The following KLHL29 variants were observed in gnomAD, a reference collection of about 807,000 sequenced individuals.
KLHL29 encodes the protein kelch like family member 29, also known as kelch-like protein 29.
Under a neutral mutation model 80.4 loss-of-function variants are expected in KLHL29, and 21 were observed. The ratio of observed to expected loss-of-function variants is 0.26; its 90% CI spans 0.19 to 0.38. The LOEUF is 0.38. Ranked by LOEUF, KLHL29 falls within the 10% of genes least tolerant of loss-of-function variation. KLHL29 has a pLI of 1.00. For missense variants in KLHL29, 867 were observed against 1,223.9 expected, an observed-to-expected ratio of 0.71 and a Z score of 4.35; for synonymous variants, 511 against 526.8, an observed-to-expected ratio of 0.97 and a Z score of 0.41.
intron 1 of KLHL29, among the ~76,000 whole-genome samples, chr2:23,452,795 G>A (rs894232935): frequency 3.9e-5 from 6 of 152,062 alleles, no homozygotes; most frequent in Admixed American, 3.3e-4. Flanking sequence ...ATCCCTCAAC[G>A]CTGACATACT....
chr2:23,466,121 G>A (rs1017630622), intron 1 of KLHL29, among the ~76,000 whole-genome samples: 2 of 152,218 alleles, frequency 1.3e-5, no homozygotes, highest in East Asian at 1.9e-4. Context: ...TCCTTCCAAA[G>A]ACCAATGTGA....
chr2:23,684,299 A>G lies in KLHL29; in HGVS notation c.941-100A>G. The G allele has an allele frequency of 1.1e-6, 1 of 889,734 alleles. No homozygotes were observed. The highest frequency in any genetic ancestry group is 1.6e-6 in the Non-Finnish European group (1 of 642,596). 55.1% of individuals were successfully genotyped at this position (889,734 alleles called of 1,614,324 possible). A position where few individuals can be genotyped will look rare whatever the true frequency, so the allele number is the denominator to read the frequency against. On this transcript the variant is annotated intron_variant, in intron 5 of 13. Coordinates refer to ENST00000486442, the MANE Select transcript of KLHL29 (RefSeq NM_052920.2). The surrounding 1 kb of genome is among the most constrained non-coding windows in gnomAD (Gnocchi z 4.4). ...CAAGAAACAATATCAAGTATTTCCT[A>G]TTTCTCTACTTCTTGAAAAAAGAAA...
At chr2:23,493,413 T>G (rs927268359) in intron 2 of KLHL29, among the ~76,000 whole-genome samples, 4 of 152,230 alleles carry the variant, frequency 2.6e-5, no homozygotes, top group Admixed American at 6.5e-5. Flanking sequence ...TGATGATATT[T>G]TCCATGTATC....
chr2:23,550,544 A>G (rs1245926462), intron 2 of KLHL29, among the ~76,000 whole-genome samples: 7 of 152,218 alleles, frequency 4.6e-5, no homozygotes, highest in Admixed American at 4.6e-4. Context: ...GTCAACCCAG[A>G]TGCTAGTTAC....
intron 2 of KLHL29, among the ~76,000 whole-genome samples, chr2:23,490,204 A>G (rs1006305094): frequency 2.6e-5 from 4 of 152,062 alleles, no homozygotes; most frequent in African/African-American, 7.2e-5. Context: ...GGAACAAAAA[A>G]CCCCCACTTG....
chr2:23,587,895 T>C (rs1405493355), intron 3 of KLHL29, among the ~76,000 whole-genome samples: 1 of 152,194 alleles, frequency 6.6e-6, no homozygotes, highest in East Asian at 1.9e-4. Context: ...GGACTAATAA[T>C]TTAGAGGCTA....
intron 3 of KLHL29, among the ~76,000 whole-genome samples, chr2:23,564,741 C>T (rs1667546234): frequency 6.6e-6 from 1 of 152,242 alleles, no homozygotes; most frequent in Admixed American, 6.5e-5. Flanking sequence ...CCCCGGTCAA[C>T]AATGTGGGTC....
intron 2 of KLHL29, among the ~76,000 whole-genome samples, chr2:23,481,644 G>A (rs548655684): frequency 1.2e-4 from 19 of 152,234 alleles, no homozygotes; most frequent in South Asian, 6.2e-4. Flanking sequence ...GGCTGAGAGC[G>A]GTGGCTGACG....
At chr2:23,675,466 C>A (rs1394684061) in intron 5 of KLHL29, among the ~76,000 whole-genome samples, 1 of 152,216 alleles carries the variant, frequency 6.6e-6, no homozygotes, top group East Asian at 1.9e-4. Flanking sequence ...TACTCTGAGC[C>A]CACAAGGCAT....
At position 23,443,136 on chromosome 2, in the gene KLHL29, C is replaced by T. The variant is rs567221987; in HGVS notation, c.-153-32424C>T. On this transcript the variant is annotated intron_variant, in intron 1 of 13. Transcript: ENST00000486442. Reference sequence around the variant, plus strand: ...AATAGTACAGGGCATTTAGGGATACCTACCACCTAGATTCAAAAATTATTA... The same window carrying T: ...AATAGTACAGGGCATTTAGGGATACTTACCACCTAGATTCAAAAATTATTA... 1.5e-3 allele frequency among the ~76,000 whole-genome samples: 233 copies of T among 152,202 alleles called. 1 individual carries two copies. Among genetic ancestry groups the T allele is most frequent in the Middle Eastern group, 0.014 (4 of 294 alleles).
At chr2:23,699,266 A>G (rs952361804) in intron 11 of KLHL29, among the ~76,000 whole-genome samples, 1 of 152,152 alleles carries the variant, frequency 6.6e-6, no homozygotes, top group African/African-American at 2.4e-5. Context: ...CAGGCCCCGT[A>G]TGCCTCCCAG....
At chr2:23,517,625 T>TGCAG (rs10701294) in intron 2 of KLHL29, among the ~76,000 whole-genome samples, 149,088 of 152,326 alleles carry the variant, frequency 0.98, 72,977 homozygotes, top group East Asian at 1. Flanking sequence ...CTTTTTAACA[T>TGCAG]GTGCAGAGTG....
intron 1 of KLHL29, among the ~76,000 whole-genome samples, chr2:23,431,513 C>T (rs1014705292): frequency 6.6e-6 from 1 of 152,238 alleles, no homozygotes; most frequent in Non-Finnish European, 1.5e-5. Context: ...GCTCCTCCGC[C>T]GGCAGCCGCC....
At chr2:23,660,853 C>T (rs1242491424) in intron 5 of KLHL29, among the ~76,000 whole-genome samples, 1 of 151,910 alleles carries the variant, frequency 6.6e-6, no homozygotes, top group Non-Finnish European at 1.5e-5. Context: ...TGGTGAAACC[C>T]CATCTCTACT....
At chr2:23,516,952 G>T (rs951006421) in intron 2 of KLHL29, among the ~76,000 whole-genome samples, 1 of 152,362 alleles carries the variant, frequency 6.6e-6, no homozygotes, top group East Asian at 1.9e-4. Flanking sequence ...GGGAGGCAGC[G>T]TGGGCTTTGT....
chr2:23,665,556 C>T (rs983820068), intron 5 of KLHL29, among the ~76,000 whole-genome samples: 5 of 152,136 alleles, frequency 3.3e-5, no homozygotes, highest in African/African-American at 1.2e-4. Context: ...TAAAGGAAGA[C>T]CTAAGGCTGG....
intron 1 of KLHL29, among the ~76,000 whole-genome samples, chr2:23,434,861 G>T (rs1162845943): frequency 6.6e-6 from 1 of 152,214 alleles, no homozygotes; most frequent in Admixed American, 6.5e-5. Context: ...TGTGGTCGAG[G>T]CAGGCTGTGC....
At position 23,479,104 on chromosome 2, in the gene KLHL29, C is replaced by T. The variant is rs145671007; in HGVS notation, c.-46+3437C>T. 4.5e-3 allele frequency among the ~76,000 whole-genome samples: 681 copies of T among 151,804 alleles called. 6 individuals carry two copies. Among genetic ancestry groups the T allele is most frequent in the African/African-American group, 0.015 (637 of 41,396 alleles). On this transcript the variant is annotated intron_variant, in intron 2 of 13. Transcript: ENST00000486442. ...GCAGGCAGACATCTCACTGCTGCTC[C>T]GGCCGACACAGACACTCTGCTGCCC... is the stretch of plus-strand genomic sequence containing the variant.
At chr2:23,421,490 G>C (rs915464418) in intron 1 of KLHL29, among the ~76,000 whole-genome samples, 7 of 151,542 alleles carry the variant, frequency 4.6e-5, no homozygotes, top group African/African-American at 7.3e-5. Context: ...CATTCTGCTT[G>C]TCCTGAATGT....
Sources: allele counts gnomAD v4.1 joint callset (sites outside exome capture counted in the v4.1 genomes callset), GRCh38; gene constraint gnomAD v4.1.1; non-coding constraint Gnocchi (gnomAD v3.1); transcripts MANE v1.5; gene names NCBI Gene and HGNC (gene_info 2026-07-23, HGNC 2026-07-21).